Variants in TMC1 observed in about 807,000 individuals in gnomAD.
TMC1 encodes transmembrane channel like 1, also known as transmembrane channel-like protein 1.
Under a neutral mutation model 105.8 loss-of-function variants are expected in TMC1, and 84 were observed. The observed-to-expected ratio is 0.79, with a 90% CI of 0.67 to 0.95. The LOEUF is 0.95. Ranked by LOEUF, TMC1 falls within the 40% of genes least tolerant of loss-of-function variation. The probability of loss-of-function intolerance (pLI) is 0.00; values close to 1 mark genes in which losing one functional copy is unlikely to be tolerated. For synonymous variants in TMC1, 315 were observed against 311.5 expected (o/e 1.01, Z -0.12); for missense variants, 817 against 914.1 (o/e 0.89, Z 1.37).
At chr9:72,738,985 T>A (rs1827344389) in intron 8 of TMC1, among the ~76,000 whole-genome samples, 1 of 151,528 alleles carries the variant, frequency 6.6e-6, no homozygotes, top group South Asian at 2.1e-4. Context: ...TTTTTGTAAA[T>A]TTTTTTTTGG....
At chr9:72,741,479 A>G in intron 9 of TMC1, 1 of 295,090 alleles carries the variant, frequency 3.4e-6, no homozygotes. Context: ...GTTTCTTGCC[A>G]ACAAAGATCA....
intron 3 of TMC1, among the ~76,000 whole-genome samples, chr9:72,621,927 G>A (rs544729728): frequency 1.3e-5 from 2 of 152,288 alleles, no homozygotes; most frequent in African/African-American, 4.8e-5. Context: ...TTATTTGAAT[G>A]TTGATAATAA....
chr9:72,630,955 G>T (rs1240529439), intron 4 of TMC1, among the ~76,000 whole-genome samples: 5 of 150,422 alleles, frequency 3.3e-5, no homozygotes, highest in Non-Finnish European at 7.4e-5. Flanking sequence ...TGCAGCCTCT[G>T]CCTCCGGGTT....
intron 18 of TMC1, among the ~76,000 whole-genome samples, chr9:72,810,103 GAGAT>G (rs374805226): frequency 2.1e-5 from 3 of 140,984 alleles, no homozygotes; most frequent in Non-Finnish European, 3.0e-5. Context: ...CAGAGCACCA[GAGAT>G]AGATAGTGTG....
At position 72,680,777 on chromosome 9, in the gene TMC1, C is replaced by A. The variant is rs1389581250; in HGVS notation, c.17-7932C>A. On this transcript the variant is annotated intron_variant, in intron 5 of 23. Transcript: ENST00000297784. ...ACATTTGCTAATGTATGCTAATGAG[C>A]AATAATTAGCATCTCTAATGTGAAC... is the stretch of plus-strand genomic sequence containing the variant. Among the ~76,000 whole-genome samples, 4 of 152,108 alleles carry A rather than the reference C, an allele frequency of 2.6e-5. No homozygotes were observed. In the East Asian group the frequency reaches 5.8e-4, roughly 22 times the overall value.
intron 5 of TMC1, among the ~76,000 whole-genome samples, chr9:72,664,434 T>C (rs1588019926): frequency 6.6e-6 from 1 of 152,298 alleles, no homozygotes; most frequent in Admixed American, 6.5e-5. Flanking sequence ...TAAATGGGAA[T>C]AGGCATTCCT....
chr9:72,804,047 C>T (rs745320649), intron 17 of TMC1, among the ~76,000 whole-genome samples: 21 of 152,144 alleles, frequency 1.4e-4, no homozygotes, highest in Admixed American at 6.5e-4. Context: ...GAATACTACG[C>T]AGCAATAAAA....
At chr9:72,805,649 G>A (rs1828562746) in intron 18 of TMC1, 139 bp downstream of exon 18, 6 of 737,360 alleles carry the variant, frequency 8.1e-6, no homozygotes, top group Non-Finnish European at 1.2e-5. Flanking sequence ...AGATAAACAA[G>A]TGAACAAAGG....
rs1000821820 is a variant in TMC1, at chr9:72,836,939, A to G, written c.*966A>G. The stretch of plus-strand genomic sequence containing the variant: ...GTTTATTAAAAAGTTTTACAGCAGG[A>G]ACAAAAGGAAATAAAATATACTTGG... On this transcript the variant is annotated 3_prime_UTR_variant, in exon 24 of 24. Transcript: ENST00000297784. The G allele has an allele frequency of 2.0e-5, 3 of 152,188 alleles. No individual in the cohort carries two copies. Among genetic ancestry groups the G allele is most frequent in the African/African-American group, 7.2e-5 (3 of 41,458 alleles). 9.4% of individuals were successfully genotyped at this position (152,188 alleles called of 1,614,324 possible).
chr9:72,529,427 G>C (rs1823460604), intron 1 of TMC1, among the ~76,000 whole-genome samples: 1 of 152,084 alleles, frequency 6.6e-6, no homozygotes, highest in South Asian at 2.1e-4. Context: ...ACTAGCTCGG[G>C]CAACATAGCT....
chr9:72,622,138 G>T (rs889481434), intron 3 of TMC1, among the ~76,000 whole-genome samples: 1 of 152,098 alleles, frequency 6.6e-6, no homozygotes, highest in Non-Finnish European at 1.5e-5. Context: ...GGCTCCAGGT[G>T]CACCTACAGG....
chr9:72,656,581 TTACTA>T (rs1825888341), intron 5 of TMC1, among the ~76,000 whole-genome samples: 1 of 152,220 alleles, frequency 6.6e-6, no homozygotes, highest in Non-Finnish European at 1.5e-5. Flanking sequence ...ATCTATGAAA[TTACTA>T]TATCTGTTTC....
intron 4 of TMC1, among the ~76,000 whole-genome samples, chr9:72,633,749 C>T (rs1458636776): frequency 1.3e-5 from 2 of 152,156 alleles, no homozygotes; most frequent in African/African-American, 4.8e-5. Flanking sequence ...TACTACAACT[C>T]AACACTTCTA....
chr9:72,536,878 C>T (rs1393754881), intron 1 of TMC1, among the ~76,000 whole-genome samples: 2 of 152,156 alleles, frequency 1.3e-5, no homozygotes, highest in African/African-American at 4.8e-5. Flanking sequence ...TGCTCCCACA[C>T]CTCCAATAGA....
At chr9:72,683,568 T>C (rs1390794550) in intron 5 of TMC1, among the ~76,000 whole-genome samples, 1 of 150,828 alleles carries the variant, frequency 6.6e-6, no homozygotes, top group Non-Finnish European at 1.5e-5. Flanking sequence ...TGGTCTGTCC[T>C]CCCTTTTCTC....
intron 2 of TMC1, among the ~76,000 whole-genome samples, chr9:72,582,654 T>C (rs1446221472): frequency 6.6e-6 from 1 of 152,242 alleles, no homozygotes; most frequent in Non-Finnish European, 1.5e-5. Context: ...TTTCTACATT[T>C]CTAGCTCAAT....
At chr9:72,587,013 G>A (rs1408801193) in intron 2 of TMC1, among the ~76,000 whole-genome samples, 3 of 152,158 alleles carry the variant, frequency 2.0e-5, no homozygotes, top group Non-Finnish European at 2.9e-5. Context: ...CAACTGTGGG[G>A]TGGTGGTACT....
intron 8 of TMC1, among the ~76,000 whole-genome samples, chr9:72,721,562 AG>A (rs1282015681): frequency 4.6e-5 from 7 of 152,200 alleles, no homozygotes; most frequent in African/African-American, 7.2e-5. Context: ...AAAACTTACG[AG>A]GGTTCAGAAA....
intron 8 of TMC1, among the ~76,000 whole-genome samples, chr9:72,709,658 C>T (rs906421676): frequency 3.3e-5 from 5 of 152,054 alleles, no homozygotes; most frequent in African/African-American, 1.2e-4. Context: ...TAAAGGTGTT[C>T]ATAGTAGCCT....
Sources: allele counts gnomAD v4.1 joint callset (sites outside exome capture counted in the v4.1 genomes callset), GRCh38; gene constraint gnomAD v4.1.1; transcripts MANE v1.5; gene names NCBI Gene and HGNC (gene_info 2026-07-23, HGNC 2026-07-21).